The following RGS7 variants were observed in gnomAD, a reference collection of about 807,000 sequenced individuals.
RGS7 encodes regulator of G-protein signaling 7.
In RGS7, 27 loss-of-function variants were observed where a neutral mutation model predicts 81.1. That is an observed-to-expected ratio of 0.33 (90% CI 0.25 to 0.46). The LOEUF is 0.46. Among genes scored for constraint, RGS7 ranks in the 20% least tolerant of loss-of-function variants. RGS7 has a pLI of 1.00. For synonymous variants in RGS7, 208 were observed against 207.7 expected (o/e 1.00, Z -0.01); for missense variants, 396 against 607.4 (o/e 0.65, Z 3.66).
In RGS7 at chr1:240,885,633, A is replaced by C. The variant is rs149108419; in HGVS notation, c.386-15514T>G. Reference sequence around the variant, plus strand: ...GAGCTGGAGGCCATTATCCTTAGTAAACTCATGCAGGAACAGAAAACCAAA... The same window carrying C: ...GAGCTGGAGGCCATTATCCTTAGTACACTCATGCAGGAACAGAAAACCAAA... On this transcript the variant is annotated intron_variant, in intron 6 of 18. Transcript: ENST00000440928. Among the ~76,000 whole-genome samples, 8 of 152,280 alleles carry C rather than the reference A, an allele frequency of 5.3e-5. No homozygotes were observed. In the East Asian group the frequency reaches 1.5e-3, roughly 29 times the overall value.
intron 3 of RGS7, among the ~76,000 whole-genome samples, chr1:241,017,174 C>T (rs2059295323): frequency 6.6e-6 from 1 of 152,108 alleles, no homozygotes; most frequent in Non-Finnish European, 1.5e-5. Context: ...TACATTGCTA[C>T]TACTATTGCT....
chr1:241,342,977 T>C (rs2082653871), intron 2 of RGS7, among the ~76,000 whole-genome samples: 1 of 151,754 alleles, frequency 6.6e-6, no homozygotes, highest in Non-Finnish European at 1.5e-5. Flanking sequence ...AAATTAAAAG[T>C]ATAGGCCAGG....
At chr1:240,923,416 G>A (rs1673907313) in intron 6 of RGS7, among the ~76,000 whole-genome samples, 1 of 151,960 alleles carries the variant, frequency 6.6e-6, no homozygotes, top group African/African-American at 2.4e-5. Context: ...CGTATAGGTG[G>A]TACTGAGGCA....
At chr1:240,924,436 C>A (rs1249188469) in intron 6 of RGS7, among the ~76,000 whole-genome samples, 1 of 152,142 alleles carries the variant, frequency 6.6e-6, no homozygotes, top group Admixed American at 6.6e-5. Context: ...CATAAATCAT[C>A]ACCCTACAAG....
intron 3 of RGS7, among the ~76,000 whole-genome samples, chr1:241,059,620 G>C: frequency 6.6e-6 from 1 of 152,196 alleles, no homozygotes; most frequent in East Asian, 1.9e-4. Context: ...CTATAGGAAG[G>C]GGGTGTAAAG....
At chr1:241,356,253 T>C (rs943361860) in intron 1 of RGS7, among the ~76,000 whole-genome samples, 5 of 152,050 alleles carry the variant, frequency 3.3e-5, no homozygotes, top group African/African-American at 1.2e-4. Context: ...GTTAGCACAC[T>C]TTCTCCTAGG....
chr1:240,999,882 C>T (rs978813484), intron 3 of RGS7, among the ~76,000 whole-genome samples: 9 of 152,146 alleles, frequency 5.9e-5, no homozygotes, highest in African/African-American at 2.4e-5. Context: ...CGACTACAGG[C>T]GTGAGCCACT....
Position 240,922,327 on chromosome 1 carries a change from TA to T in RGS7, c.385+8389del, listed in dbSNP as rs535114345. ...GACCTTGAGTTTGGCAATGACTTTTTAGACACAACATCAAAAGCACAATCTA... is the reference window on the plus strand; with the variant it reads ...GACCTTGAGTTTGGCAATGACTTTTTGACACAACATCAAAAGCACAATCTA... On this transcript the variant is annotated intron_variant, in intron 6 of 18. Transcript: ENST00000440928. Among the ~76,000 whole-genome samples the T allele has an allele frequency of 1.7e-3, 262 of 152,214 alleles. 1 individual carries two copies. Among genetic ancestry groups the T allele is most frequent in the Non-Finnish European group, 2.4e-3 (166 of 67,978 alleles).
At chr1:241,268,662 AT>A (rs2077719606) in intron 2 of RGS7, among the ~76,000 whole-genome samples, 1 of 151,950 alleles carries the variant, frequency 6.6e-6, no homozygotes, top group South Asian at 2.1e-4. Context: ...TTTTCTTGCA[AT>A]TTTGCCTCGT....
chr1:241,246,169 G>A (rs914295983), intron 2 of RGS7, among the ~76,000 whole-genome samples: 1 of 152,004 alleles, frequency 6.6e-6, no homozygotes, highest in African/African-American at 2.4e-5. Flanking sequence ...GATGAAGACT[G>A]GGCAAGCTAT....
intron 2 of RGS7, among the ~76,000 whole-genome samples, chr1:241,262,704 G>A (rs1404865196): frequency 6.6e-6 from 1 of 152,132 alleles, no homozygotes; most frequent in Non-Finnish European, 1.5e-5. Flanking sequence ...TTTCTAAACA[G>A]AGATACTGCA....
chr1:240,793,611 A>ATATT, intron 18 of RGS7, among the ~76,000 whole-genome samples: 19 of 78,808 alleles, frequency 2.4e-4, no homozygotes, highest in African/African-American at 1.6e-3. Context: ...ATATATATAT[A>ATATT]TTTTTTTTTT....
At chr1:241,159,190 C>G (rs1459506266) in intron 2 of RGS7, among the ~76,000 whole-genome samples, 1 of 152,162 alleles carries the variant, frequency 6.6e-6, no homozygotes, top group Non-Finnish European at 1.5e-5. Flanking sequence ...ACAATGCTTC[C>G]TTTTCTGCTT....
chr1:240,954,268 C>A (rs1347466462), intron 4 of RGS7, among the ~76,000 whole-genome samples: 2 of 151,862 alleles, frequency 1.3e-5, no homozygotes, highest in African/African-American at 2.4e-5. Flanking sequence ...CCAGCATTAA[C>A]TTAATACTAA....
At chr1:241,086,487 C>G (rs2063454051) in intron 3 of RGS7, among the ~76,000 whole-genome samples, 1 of 151,968 alleles carries the variant, frequency 6.6e-6, no homozygotes, top group African/African-American at 2.4e-5. Context: ...TCCCGTGCAT[C>G]CTATTTTTTC....
At chr1:241,147,066 A>T (rs1319043491) in intron 2 of RGS7, among the ~76,000 whole-genome samples, 1 of 152,132 alleles carries the variant, frequency 6.6e-6, no homozygotes, top group Non-Finnish European at 1.5e-5. Context: ...CTCTGTGTGC[A>T]CATTTATTTC....
In RGS7 at chr1:241,088,017, T is replaced by TAC. The variant is rs1201357772; in HGVS notation, c.175+10647_175+10648dup. ...ATATACACACACACACATATATATA[T>TAC]ACACACACACATATATATATACACA... is the stretch of plus-strand genomic sequence containing the variant. On this transcript the variant is annotated intron_variant, in intron 3 of 18. Coordinates refer to ENST00000440928, the MANE Select transcript of RGS7 (RefSeq NM_001364886.1). Among the ~76,000 whole-genome samples, 80 of 115,514 alleles carry TAC rather than the reference T, an allele frequency of 6.9e-4. 1 individual carries two copies. Among genetic ancestry groups the TAC allele is most frequent in the Non-Finnish European group, 1.3e-3 (69 of 54,460 alleles). The allele number at this position is 115,514 out of a possible 152,430, so 75.8% of individuals were successfully genotyped here.
At chr1:240,980,230 A>G (rs1167470358) in intron 4 of RGS7, among the ~76,000 whole-genome samples, 1 of 152,214 alleles carries the variant, frequency 6.6e-6, no homozygotes. Flanking sequence ...TTGATAAAAT[A>G]CTGAACACTA....
rs1212780011 is a variant in RGS7, at chr1:241,017,816, T to A, written c.176-34687A>T. ...GTTTTTGGTTTTGTTTTGCTGTTAA[T>A]CCTATTTACCCTTTTGGTATTTTAT... On this transcript the variant is annotated intron_variant, in intron 3 of 18. Transcript: ENST00000440928. Among the ~76,000 whole-genome samples the A allele has an allele frequency of 2.0e-5, 3 of 152,194 alleles. No individual in the cohort carries two copies. The South Asian group carries it at 6.2e-4, about 32-fold the overall frequency.
Sources: gnomAD v4.1 joint callset for allele counts (sites outside exome capture counted in the v4.1 genomes callset) on GRCh38, gnomAD v4.1.1 for gene constraint, MANE v1.5 for transcripts, NCBI Gene and HGNC (gene_info 2026-07-23, HGNC 2026-07-21) for gene names.